NAALADL2: variants seen among roughly 807,000 people sequenced by gnomAD.
The protein encoded by NAALADL2 is inactive N-acetylated-alpha-linked acidic dipeptidase-like protein 2.
In NAALADL2, 76 loss-of-function variants were observed where a neutral mutation model predicts 87.2. That is an observed-to-expected ratio of 0.87 (90% CI 0.72 to 1.05). NAALADL2 has a LOEUF of 1.05. Ranked by LOEUF, NAALADL2 falls within the 50% of genes least tolerant of loss-of-function variation. The pLI, the probability that NAALADL2 is intolerant of heterozygous loss-of-function variation, is 0.00. For missense variants in NAALADL2, 1,089 were observed against 945.8 expected, an observed-to-expected ratio of 1.15 and a Z score of -1.99; for synonymous variants, 354 against 331.0, an observed-to-expected ratio of 1.07 and a Z score of -0.75.
chr3:175,039,842 G>A (rs1753846233), intron 1 of NAALADL2, among the ~76,000 whole-genome samples: 1 of 152,076 alleles, frequency 6.6e-6, no homozygotes, highest in Admixed American at 6.6e-5. Flanking sequence ...TACTTATGTA[G>A]CTTCTTGTTT....
intron 9 of NAALADL2, among the ~76,000 whole-genome samples, chr3:175,535,904 T>C (rs1285057695): frequency 1.3e-5 from 2 of 152,260 alleles, no homozygotes; most frequent in Non-Finnish European, 2.9e-5. Context: ...CATTTCATTC[T>C]GTCAGCACAC....
chr3:175,117,716 C>T lies in NAALADL2; in HGVS notation c.545+20425C>T, dbSNP rs576377089. Among the ~76,000 whole-genome samples the T allele has an allele frequency of 3.0e-4, 45 of 152,072 alleles. No individual in the cohort carries two copies. The South Asian group carries it at 9.1e-3, about 31-fold the overall frequency. ...TGTGGAAGACAGTGCGGCAATTCCT[C>T]AAGGATCTAGAACTAGAAATACCAT... On this transcript the variant is annotated intron_variant, in intron 2 of 13. Transcript: ENST00000454872.
intron 5 of NAALADL2, among the ~76,000 whole-genome samples, chr3:175,367,699 G>T (rs12630858): frequency 0.3 from 45,243 of 151,754 alleles, 6,937 homozygotes; most frequent in East Asian, 0.5. Flanking sequence ...TTTTGTACAT[G>T]GATTTTGTAT....
At chr3:175,749,834 G>C (rs148133182) in intron 12 of NAALADL2, among the ~76,000 whole-genome samples, 69 of 152,258 alleles carry the variant, frequency 4.5e-4, no homozygotes, top group Admixed American at 2.7e-3. Context: ...TGTAGTTAAC[G>C]GCCTTACGCA....
chr3:175,308,317 G>C (rs968346587), intron 4 of NAALADL2, among the ~76,000 whole-genome samples: 4 of 152,024 alleles, frequency 2.6e-5, no homozygotes, highest in Non-Finnish European at 5.9e-5. Flanking sequence ...CTTGAGAGCT[G>C]TACGTCTAAG....
chr3:175,091,141 T>C (rs536317362), intron 1 of NAALADL2, among the ~76,000 whole-genome samples: 1 of 152,246 alleles, frequency 6.6e-6, no homozygotes, highest in South Asian at 2.1e-4. Flanking sequence ...TAAAGTAGGT[T>C]TATACTGAAA....
chr3:175,223,340 A>AT (rs71626204), intron 2 of NAALADL2, among the ~76,000 whole-genome samples: 20,288 of 139,866 alleles, frequency 0.15, 1,607 homozygotes, highest in East Asian at 0.31. Flanking sequence ...TATTAGTTTG[A>AT]TTTTTTTTTT....
intron 3 of NAALADL2, among the ~76,000 whole-genome samples, chr3:175,242,786 A>T (rs1199735743): frequency 2.0e-5 from 3 of 152,186 alleles, no homozygotes; most frequent in Non-Finnish European, 4.4e-5. Context: ...AAAGCCTCGG[A>T]CCCTGCTGCA....
At chr3:175,785,831 A>C (rs1452805037) in intron 13 of NAALADL2, among the ~76,000 whole-genome samples, 5 of 150,760 alleles carry the variant, frequency 3.3e-5, no homozygotes, top group Admixed American at 2.0e-4. Context: ...ATGATTTTGC[A>C]GTGGCTGGTA....
In NAALADL2 at chr3:175,057,279, T is replaced by C. The variant is rs191684375; in HGVS notation, c.44-39511T>C. ...CCATTTTTTTCAGTCACGATCAACC[T>C]GACAAACGTGCCTGAAATAACCATT... On this transcript the variant is annotated intron_variant, in intron 1 of 13. Coordinates refer to ENST00000454872, the MANE Select transcript of NAALADL2 (RefSeq NM_207015.3). Among the ~76,000 whole-genome samples the C allele has an allele frequency of 4.9e-3, 741 of 152,262 alleles. 4 individuals carry two copies. Among genetic ancestry groups the C allele is most frequent in the Middle Eastern group, 0.024 (7 of 294 alleles).
At chr3:174,787,602 T>TATATACATATATATATATATATACAC (rs1553855432) in intron 3 of NAALADL2, among the ~76,000 whole-genome samples, 6 of 73,364 alleles carry the variant, frequency 8.2e-5, no homozygotes, top group Non-Finnish European at 8.8e-5. Flanking sequence ...TATATATATA[T>TATATACATATATATATATATATACAC]ATATATATAT....
intron 2 of NAALADL2, among the ~76,000 whole-genome samples, chr3:174,693,693 G>A (rs1330657495): frequency 6.6e-6 from 1 of 152,134 alleles, no homozygotes; most frequent in Non-Finnish European, 1.5e-5. Flanking sequence ...TTGGGGAGAG[G>A]AATAGGAGGC....
In NAALADL2 at chr3:175,605,710, A is replaced by G. The variant is rs114646377; in HGVS notation, c.1801-21581A>G. ...ATTCTACAGCATAGATTAACTGTGTATTGCTGTTTTTTTAAACCTGTATTT... is the reference window on the plus strand; with the variant it reads ...ATTCTACAGCATAGATTAACTGTGTGTTGCTGTTTTTTTAAACCTGTATTT... On this transcript the variant is annotated intron_variant, in intron 10 of 13. Transcript: ENST00000454872. Among the ~76,000 whole-genome samples, 1,368 of 140,210 alleles carry G rather than the reference A, an allele frequency of 9.8e-3. 17 individuals are homozygous for G. Among genetic ancestry groups the G allele is most frequent in the African/African-American group, 0.032 (1,222 of 38,294 alleles). 92.0% of individuals were successfully genotyped at this position (140,210 alleles called of 152,430 possible).
At chr3:175,670,894 G>A (rs576363444) in intron 11 of NAALADL2, among the ~76,000 whole-genome samples, 3 of 151,314 alleles carry the variant, frequency 2.0e-5, no homozygotes, top group Admixed American at 6.6e-5. Context: ...TAGGTCTACT[G>A]GAGAAGTTTA....
chr3:174,657,895 C>G (rs897948565), intron 2 of NAALADL2, among the ~76,000 whole-genome samples: 1 of 152,150 alleles, frequency 6.6e-6, no homozygotes, highest in Non-Finnish European at 1.5e-5. Context: ...GTAGCCTTTT[C>G]AGATTGGCTT....
chr3:175,150,858 C>T (rs940283998), intron 2 of NAALADL2, among the ~76,000 whole-genome samples: 1 of 152,110 alleles, frequency 6.6e-6, no homozygotes, highest in African/African-American at 2.4e-5. Flanking sequence ...ATGAAATAGG[C>T]ATAATGCCTG....
chr3:175,292,593 TACACACACACACAC>T (rs71164627), intron 4 of NAALADL2, among the ~76,000 whole-genome samples: 1 of 145,364 alleles, frequency 6.9e-6, no homozygotes, highest in Non-Finnish European at 1.5e-5. Flanking sequence ...TGAGTTGGGA[TACACACACACACAC>T]ACACACACAC....
chr3:174,950,015 C>T (rs1266103030), intron 1 of NAALADL2, among the ~76,000 whole-genome samples: 1 of 152,106 alleles, frequency 6.6e-6, no homozygotes, highest in Admixed American at 6.6e-5. Context: ...CAGATCAAAT[C>T]CAGCCTGGTC....
At chr3:175,095,385 C>T (rs1720974328) in intron 1 of NAALADL2, among the ~76,000 whole-genome samples, 1 of 151,856 alleles carries the variant, frequency 6.6e-6, no homozygotes, top group African/African-American at 2.4e-5. Context: ...GAATAAGGTC[C>T]TATTTATTTC....
Sources: allele counts gnomAD v4.1 joint callset (sites outside exome capture counted in the v4.1 genomes callset), GRCh38; gene constraint gnomAD v4.1.1; transcripts MANE v1.5; gene names NCBI Gene and HGNC (gene_info 2026-07-23, HGNC 2026-07-21).